Variants in TAF1 observed in about 807,000 individuals in gnomAD.
TAF1 encodes the protein transcription initiation factor TFIID subunit 1.
Under a neutral mutation model 138.5 loss-of-function variants are expected in TAF1, and 2 were observed. That is an observed-to-expected ratio of 0.01 (90% confidence interval 0.01 to 0.05). TAF1 has a LOEUF of 0.05. Among genes scored for constraint, TAF1 ranks in the 10% least tolerant of loss-of-function variants. The pLI, the probability that TAF1 is intolerant of heterozygous loss-of-function variation, is 1.00. For missense variants in TAF1, 709 were observed against 1,478.0 expected (o/e 0.48, Z 8.53); for synonymous variants, 437 against 503.2 (o/e 0.87, Z 1.76).
intron 13 of TAF1, among the ~76,000 whole-genome samples, chrX:71,478,188 C>CA (rs2039011674): frequency 9.1e-6 from 1 of 109,811 alleles, no homozygotes; most frequent in African/African-American, 3.3e-5. Flanking sequence ...CCTATCTCTA[C>CA]AAAAAATACA....
In TAF1 at chrX:71,483,780, CTA is replaced by C. The variant is rs1556022684; in HGVS notation, c.1366+23000_1366+23001del. Among the ~76,000 whole-genome samples, 240 of 37,559 alleles carry C rather than the reference CTA, an allele frequency of 6.4e-3. 4 individuals are homozygous for C. The highest frequency in any genetic ancestry group is 0.02 in the African/African-American group (159 of 7,965). The allele number at this position is 37,559 out of a possible 115,157, so 32.6% of individuals were successfully genotyped here. A position where few individuals can be genotyped will look rare whatever the true frequency, so the allele number is the denominator to read the frequency against. ...TCTCTCTCTCTCTCTCTCTCTCTCTCTATATATATATATATATATATATACAC... is the reference window on the plus strand; with the variant it reads ...TCTCTCTCTCTCTCTCTCTCTCTCTCTATATATATATATATATATATACAC... On this transcript the variant is annotated intron_variant and NMD_transcript_variant, in intron 13 of 14. Transcript: ENST00000373775.
chrX:71,449,717 G>A lies in TAF1; in HGVS notation c.4754-4453G>A, dbSNP rs1419084424. Reference sequence around the variant, plus strand: ...TAAGGAACTACCGTTGTACAGGCTTGGTGAAGGAGGCCTGTAACCTGTATG... The same window carrying A: ...TAAGGAACTACCGTTGTACAGGCTTAGTGAAGGAGGCCTGTAACCTGTATG... On this transcript the variant is annotated intron_variant, in intron 32 of 37. Transcript: ENST00000423759. Among the ~76,000 whole-genome samples, 4 of 111,928 alleles carry A rather than the reference G, an allele frequency of 3.6e-5. No homozygotes were observed. The Admixed American group carries it at 3.8e-4, about 11-fold the overall frequency.
At chrX:71,444,799 G>GAACAGCTCACT (rs2037608327) in intron 32 of TAF1, among the ~76,000 whole-genome samples, 1 of 109,859 alleles carries the variant, frequency 9.1e-6, no homozygotes, top group Non-Finnish European at 1.9e-5. Context: ...GCCCAGGCTG[G>GAACAGCTCACT]AACAGCTCAC....
intron 3 of TAF1, among the ~76,000 whole-genome samples, chrX:71,374,592 G>A (rs969554806): frequency 2.1e-4 from 23 of 110,785 alleles, no homozygotes; most frequent in African/African-American, 6.2e-4. Context: ...TACTACAGGC[G>A]TGTGCCACCA....
At chrX:71,403,335 A>C (rs1345640829) in intron 25 of TAF1, among the ~76,000 whole-genome samples, 1 of 111,534 alleles carries the variant, frequency 9.0e-6, no homozygotes, top group Non-Finnish European at 1.9e-5. Context: ...AGCCCCATTT[A>C]TGTTTTTCAT....
intron 34 of TAF1, chrX:71,455,092 G>A: frequency 9.0e-7 from 1 of 1,111,204 alleles, no homozygotes. Context: ...TGGGGCCTTA[G>A]TTGTTTAGGC....
chrX:71,378,456 G>A lies in TAF1; in HGVS notation c.1152+3G>A. ...TGATAAAATCTAGAATGATAGAGGT[G>A]AGCAACACTGGTATGTAAGAAAGGA... On this transcript the variant is annotated splice_donor_region_variant and intron_variant, in intron 7 of 37. Transcript: ENST00000423759. The A allele has an allele frequency of 8.3e-7, 1 of 1,208,681 alleles. No individual in the cohort carries two copies. The highest frequency in any genetic ancestry group is 1.1e-6 in the Non-Finnish European group (1 of 892,715).
In TAF1 at chrX:71,378,836, C is replaced by T. The variant is rs1212648227; in HGVS notation, c.1165C>T (p.Leu389Phe). 1 of 1,211,174 alleles carries T rather than the reference C, an allele frequency of 8.3e-7. No homozygotes were observed. Among genetic ancestry groups the T allele is most frequent in the East Asian group, 3.0e-5 (1 of 33,856 alleles). The change falls in exon 8 of 38, where the codon CTT becomes TTT. Residue 389 changes from leucine to phenylalanine, a missense_variant. Around this residue, in one of 14 missense-constraint regions of TAF1, gnomAD observed 201 missense variants for 421.3 expected, o/e 0.48. Transcript: ENST00000423759. ...CCTACTTACACAGGAATTTAGGAAA[C>T]TTGAGGAAAACAATGGCACTGATCT... Reference protein sequence around the residue: ...KSRMIEEFRKLEENNGTDLLA... With the variant: ...KSRMIEEFRKFEENNGTDLLA...
chrX:71,389,444 G>A (rs780855349), intron 17 of TAF1, 141 bp from the exon 18 acceptor site: 35 of 475,264 alleles, frequency 7.4e-5, no homozygotes, highest in Non-Finnish European at 1.2e-4. Context: ...ATGTGCCGTG[G>A]TGTTAGATAT....
At position 71,464,988 on chromosome X, in the gene TAF1, G is replaced by A. The variant is rs748362504; in HGVS notation, c.*942G>A. 1 of 108,866 alleles carries A rather than the reference G, an allele frequency of 9.2e-6. No individual in the cohort carries two copies. The highest frequency in any genetic ancestry group is 9.9e-5 in the Admixed American group (1 of 10,124). The allele number at this position is 108,866 out of a possible 1,213,427, so 9.0% of individuals were successfully genotyped here. ...TTCTGTCCCCCCCACCCTCCCCAGG[G>A]GAAATGGTAGGAAAATGGTAAGTTT... On this transcript the variant is annotated 3_prime_UTR_variant, in exon 38 of 38. Transcript: ENST00000423759.
chrX:71,515,757 C>A (rs1247253834), intron 13 of TAF1, among the ~76,000 whole-genome samples: 1 of 111,463 alleles, frequency 9.0e-6, no homozygotes, highest in African/African-American at 3.3e-5. Flanking sequence ...TTCCCTCATC[C>A]CGGTGTATAC....
In TAF1 at chrX:71,392,896, G is replaced by A; in HGVS notation, c.2953G>A (p.Val985Met). 2.5e-6 allele frequency: 3 copies of A among 1,211,666 alleles called. No individual in the cohort carries two copies. Among genetic ancestry groups the A allele is most frequent in the Non-Finnish European group, 3.4e-6 (3 of 895,507 alleles). Residue 985 changes from valine (V) to methionine (M), a missense_variant, in exon 20 of 38, where the codon GTG becomes ATG. By Grantham distance (21) the Val-to-Met change is conservative. Around this residue, in one of 14 missense-constraint regions of TAF1, gnomAD observed 31 missense variants for 140.4 expected, o/e 0.22. Coordinates refer to ENST00000423759, the MANE Select transcript of TAF1 (RefSeq NM_004606.5). ...GTAGGATGATAAAGAACCGCAGCCA[G>A]TGAAGAAGACAGTGACAGGAACAGA... ...QQKDDKEPQPVKKTVTGTDAD... is the reference protein window; with the variant it reads ...QQKDDKEPQPMKKTVTGTDAD...
intron 32 of TAF1, among the ~76,000 whole-genome samples, chrX:71,449,867 G>T (rs2037875187): frequency 9.0e-6 from 1 of 111,486 alleles, no homozygotes; most frequent in Non-Finnish European, 1.9e-5. Flanking sequence ...CAACCTCCTG[G>T]GCTCAACCGA....
At chrX:71,471,190 T>C (rs2038877638) in intron 13 of TAF1, among the ~76,000 whole-genome samples, 1 of 107,277 alleles carries the variant, frequency 9.3e-6, no homozygotes, top group Non-Finnish European at 1.9e-5. Context: ...TGGTGACACA[T>C]GCCTGTAGTC....
intron 13 of TAF1, among the ~76,000 whole-genome samples, chrX:71,384,644 G>A (rs970972099): frequency 1.8e-5 from 2 of 110,944 alleles, no homozygotes; most frequent in South Asian, 3.8e-4. Flanking sequence ...TCTTAACCTC[G>A]TGATCTGCCC....
At chrX:71,426,149 TTC>T (rs1248805681) in intron 32 of TAF1, among the ~76,000 whole-genome samples, 1 of 110,541 alleles carries the variant, frequency 9.0e-6, no homozygotes, top group African/African-American at 3.3e-5. Flanking sequence ...GTTTTCTTTC[TTC>T]TTTTTCTTTT....
At chrX:71,431,465 AC>A (rs1174956850) in intron 32 of TAF1, among the ~76,000 whole-genome samples, 3 of 108,485 alleles carry the variant, frequency 2.8e-5, no homozygotes, top group African/African-American at 1.0e-4. Flanking sequence ...CATTCCTTGA[AC>A]CCTCTGATGT....
At chrX:71,461,927 A>G (rs775644113) in intron 37 of TAF1, among the ~76,000 whole-genome samples, 7 of 111,549 alleles carry the variant, frequency 6.3e-5, no homozygotes, top group Non-Finnish European at 1.3e-4. Context: ...AATAGGAATT[A>G]GCTAAACGAA....
intron 16 of TAF1, 60 bp from the exon 17 acceptor site, chrX:71,388,678 A>G: frequency 8.3e-7 from 1 of 1,200,019 alleles, no homozygotes; most frequent in Non-Finnish European, 1.1e-6. Context: ...TGCTGTCAAT[A>G]AATATCAGGG....
Sources: gnomAD v4.1 joint callset for allele counts (sites outside exome capture counted in the v4.1 genomes callset) on GRCh38, gnomAD v4.1.1 for gene constraint, gnomAD v4.1.1 regional missense constraint, MANE v1.5 for transcripts, NCBI Gene and HGNC (gene_info 2026-07-23, HGNC 2026-07-21) for gene names.